PDHX: variants seen among roughly 807,000 people sequenced by gnomAD.
The protein encoded by PDHX is pyruvate dehydrogenase protein X component, mitochondrial.
A neutral mutation model predicts 55.3 loss-of-function variants in PDHX; 33 were observed. The observed-to-expected ratio is 0.60, with a 90% CI of 0.45 to 0.80. PDHX has a LOEUF of 0.80. Ranked by LOEUF, PDHX falls within the 30% of genes least tolerant of loss-of-function variation. The probability of loss-of-function intolerance (pLI) is 0.00; values close to 1 mark genes in which losing one functional copy is unlikely to be tolerated. For missense variants in PDHX, 622 were observed against 619.9 expected (o/e 1.00, Z -0.04); for synonymous variants, 226 against 219.4 (o/e 1.03, Z -0.27).
chr11:34,995,208 G>C lies in PDHX; in HGVS notation c.*36G>C, dbSNP rs767700777. 14 of 1,608,752 alleles carry C rather than the reference G, an allele frequency of 8.7e-6. No individual in the cohort carries two copies. The East Asian group carries it at 2.7e-4, about 31-fold the overall frequency. Reference sequence around the variant, plus strand: ...TAAGAAGTTGGTGTTCAGCTTAGTTGATTCAGTAGTTGTTACCAAGAAACA... The same window carrying C: ...TAAGAAGTTGGTGTTCAGCTTAGTTCATTCAGTAGTTGTTACCAAGAAACA... On this transcript the variant is annotated 3_prime_UTR_variant, in exon 11 of 11. Transcript: ENST00000227868.
chr11:34,977,857 C>T (rs752756285), intron 7 of PDHX: 3 of 518,234 alleles, frequency 5.8e-6, no homozygotes, highest in South Asian at 4.6e-5. Context: ...CCTTCAGGTT[C>T]TTGTGTATGA....
intron 7 of PDHX, among the ~76,000 whole-genome samples, chr11:34,972,204 A>T (rs1187645085): frequency 6.6e-6 from 1 of 151,584 alleles, no homozygotes; most frequent in Non-Finnish European, 1.5e-5. Flanking sequence ...TATTTCTGTG[A>T]TACTGATCTC....
At chr11:34,917,535 G>A (rs775652726) in intron 1 of PDHX, among the ~76,000 whole-genome samples, 4 of 152,150 alleles carry the variant, frequency 2.6e-5, no homozygotes, top group African/African-American at 4.8e-5. Flanking sequence ...TTTGGGAGAA[G>A]GTTGGAGGGA....
At chr11:34,936,533 A>T (rs1253039515) in intron 2 of PDHX, among the ~76,000 whole-genome samples, 1 of 152,218 alleles carries the variant, frequency 6.6e-6, no homozygotes, top group Non-Finnish European at 1.5e-5. Context: ...CTTTTTAAAA[A>T]TAATGAGAAG....
chr11:34,976,916 T>A (rs1012154447), intron 7 of PDHX, among the ~76,000 whole-genome samples: 1 of 152,140 alleles, frequency 6.6e-6, no homozygotes, highest in African/African-American at 2.4e-5. Flanking sequence ...CAGAGTAAGT[T>A]CATGAACTGT....
intron 2 of PDHX, among the ~76,000 whole-genome samples, chr11:34,944,985 CAGTT>C (rs1854587713): frequency 6.6e-6 from 1 of 152,070 alleles, no homozygotes; most frequent in Admixed American, 6.5e-5. Context: ...TGCCTGCCCT[CAGTT>C]AGATAATCAA....
At chr11:34,929,135 A>C (rs182131185) in intron 1 of PDHX, among the ~76,000 whole-genome samples, 2 of 119,426 alleles carry the variant, frequency 1.7e-5, no homozygotes. Context: ...TAGGAAACTC[A>C]TTGTGGCTAT....
upstream of PDHX, chr11:34,916,584 C>G: frequency 6.3e-7 from 1 of 1,581,098 alleles, no homozygotes; most frequent in Non-Finnish European, 8.6e-7. Flanking sequence ...GCGTGGCCAA[C>G]CATGCGGGAG....
intron 1 of PDHX, among the ~76,000 whole-genome samples, chr11:34,918,800 CCCATTCCCTTAAGTTTT>C (rs1305768374): frequency 6.6e-6 from 1 of 152,096 alleles, no homozygotes; most frequent in East Asian, 1.9e-4. Flanking sequence ...GGCTCGAGAC[CCCATTCCCTTAAGTTTT>C]CCAGATTCTA....
chr11:34,941,114 C>G (rs1854465809), intron 2 of PDHX, among the ~76,000 whole-genome samples: 1 of 152,140 alleles, frequency 6.6e-6, no homozygotes, highest in Non-Finnish European at 1.5e-5. Flanking sequence ...TTGACCTTGT[C>G]TAACTGGGCC....
chr11:34,916,577 TG>T (rs1242302563), upstream of PDHX: 1 of 1,573,386 alleles, frequency 6.4e-7, no homozygotes, highest in Admixed American at 1.7e-5. Context: ...TCTGGGGGCG[TG>T]GCCAACCATG....
chr11:34,930,813 T>G (rs1854143350), intron 1 of PDHX, among the ~76,000 whole-genome samples: 1 of 152,234 alleles, frequency 6.6e-6, no homozygotes, highest in African/African-American at 2.4e-5. Context: ...GAGGTTAATT[T>G]AACCATTTAA....
intron 9 of PDHX, among the ~76,000 whole-genome samples, chr11:34,985,794 C>T (rs576222188): frequency 1.2e-4 from 18 of 152,046 alleles, no homozygotes; most frequent in African/African-American, 3.1e-4. Context: ...TTTGGGGAGC[C>T]GACAGTACAT....
intron 5 of PDHX, among the ~76,000 whole-genome samples, chr11:34,963,508 G>C (rs573334703): frequency 2.0e-5 from 3 of 152,264 alleles, no homozygotes; most frequent in African/African-American, 7.2e-5. Flanking sequence ...TCAAGCTCTT[G>C]GCCTCAGGTG....
chr11:34,933,477 G>A (rs1377847242), intron 2 of PDHX, among the ~76,000 whole-genome samples: 1 of 152,114 alleles, frequency 6.6e-6, no homozygotes, highest in Non-Finnish European at 1.5e-5. Flanking sequence ...GCAAATGACT[G>A]GTTAAGATAA....
At chr11:34,922,124 T>C (rs1278992802) in intron 1 of PDHX, among the ~76,000 whole-genome samples, 4 of 152,358 alleles carry the variant, frequency 2.6e-5, no homozygotes, top group African/African-American at 9.6e-5. Context: ...AATTTTCTTA[T>C]ATTGTATTGA....
intron 6 of PDHX, among the ~76,000 whole-genome samples, chr11:34,967,977 A>G (rs1855171283): frequency 6.6e-6 from 1 of 152,200 alleles, no homozygotes; most frequent in African/African-American, 2.4e-5. Flanking sequence ...TTTTAAAAGT[A>G]GGTTATTCAA....
At chr11:34,934,425 G>C (rs768798545) in intron 2 of PDHX, among the ~76,000 whole-genome samples, 11 of 152,106 alleles carry the variant, frequency 7.2e-5, no homozygotes, top group Non-Finnish European at 1.3e-4. Flanking sequence ...GTAGGGAAGA[G>C]CCCGGGGGAG....
chr11:34,955,819 A>G (rs1199900567), intron 3 of PDHX, among the ~76,000 whole-genome samples: 4 of 140,710 alleles, frequency 2.8e-5, no homozygotes, highest in African/African-American at 1.0e-4. Flanking sequence ...ACTTTTTTTA[A>G]TGCTTTACAT....
Sources: allele counts gnomAD v4.1 joint callset (sites outside exome capture counted in the v4.1 genomes callset), GRCh38; gene constraint gnomAD v4.1.1; transcripts MANE v1.5; gene names NCBI Gene and HGNC (gene_info 2026-07-23, HGNC 2026-07-21).